SLC25A44: variants seen among roughly 807,000 people sequenced by gnomAD.
The protein encoded by SLC25A44 is solute carrier family 25, member 44.
A neutral mutation model predicts 29.9 loss-of-function variants in SLC25A44; 17 were observed. The observed-to-expected ratio is 0.57, with a 90% confidence interval of 0.39 to 0.85. The LOEUF (loss-of-function observed/expected upper bound fraction) is 0.85, where lower values mean the gene tolerates loss of function less well. Ranked by LOEUF, SLC25A44 falls within the 40% of genes least tolerant of loss-of-function variation. The pLI is 0.00. For synonymous variants in SLC25A44, 140 were observed against 151.8 expected (o/e 0.92, Z 0.57); for missense variants, 302 against 398.4 (o/e 0.76, Z 2.06).
intron 1 of SLC25A44, chr1:156,199,334 C>T (rs1298273751): frequency 6.3e-6 from 1 of 159,364 alleles, no homozygotes; most frequent in Admixed American, 6.0e-5. Context: ...CCCTTTCAGC[C>T]TTCAGGAGCC....
At chr1:156,203,074 A>G (rs1031958523) in intron 2 of SLC25A44, among the ~76,000 whole-genome samples, 1 of 152,100 alleles carries the variant, frequency 6.6e-6, no homozygotes, top group Non-Finnish European at 1.5e-5. Context: ...TGGTCTATAC[A>G]TCTCTATTGC....
intron 2 of SLC25A44, among the ~76,000 whole-genome samples, chr1:156,201,258 A>T (rs1024027073): frequency 8.5e-5 from 13 of 152,204 alleles, no homozygotes; most frequent in Non-Finnish European, 1.9e-4. Flanking sequence ...TGAGTCAAAG[A>T]TAACATTTTT....
rs998615780 is a variant in SLC25A44, at chr1:156,210,647, G to A, written c.*216G>A. 5.4e-6 allele frequency: 2 copies of A among 368,366 alleles called. No individual in the cohort carries two copies. The highest frequency in any genetic ancestry group is 9.8e-6 in the Non-Finnish European group (2 of 204,770). The allele number at this position is 368,366 out of a possible 1,614,324, so 22.8% of individuals were successfully genotyped here. The stretch of plus-strand genomic sequence containing the variant: ...CCCCCACTATTTAAAATTCTCTTCT[G>A]AGCTGGGCTCCCTCACTCAGTCCCT... On this transcript the variant is annotated 3_prime_UTR_variant, in exon 4 of 4. Coordinates refer to ENST00000359511, the MANE Select transcript of SLC25A44 (RefSeq NM_014655.4).
At chr1:156,203,545 C>T (rs1348631367) in intron 2 of SLC25A44, among the ~76,000 whole-genome samples, 1 of 152,232 alleles carries the variant, frequency 6.6e-6, no homozygotes, top group East Asian at 1.9e-4. Flanking sequence ...TCAAGCCAGT[C>T]TTAGCCAAGT....
chr1:156,200,379 G>T lies in SLC25A44; in HGVS notation c.532G>T (p.Gly178Ter). Residue 178 changes from glycine (G) to a stop codon, truncating the protein, a stop_gained, in exon 2 of 4, where the codon GGA becomes TGA. Coordinates refer to ENST00000359511, the MANE Select transcript of SLC25A44 (RefSeq NM_014655.4). LOFTEE classifies it high-confidence loss of function. ...DIIRQILQAD[G>*]LRGFYRGYVA... ...CATCAGGCAGATCCTGCAGGCTGAT[G>T]GACTTCGCGGCTTCTATCGAGGCTA... is the stretch of plus-strand genomic sequence containing the variant. The T allele has an allele frequency of 6.2e-7, 1 of 1,614,088 alleles. No homozygotes were observed. Among genetic ancestry groups the T allele is most frequent in the East Asian group, 2.2e-5 (1 of 44,888 alleles).
At chr1:156,199,199 C>A (rs1250512951) in intron 1 of SLC25A44, 1 of 152,512 alleles carries the variant, frequency 6.6e-6, no homozygotes, top group Non-Finnish European at 1.5e-5. Context: ...TCTGAGAGGC[C>A]AGCACAGGAA....
intron 2 of SLC25A44, among the ~76,000 whole-genome samples, chr1:156,206,040 T>A (rs1656906955): frequency 6.6e-6 from 1 of 152,226 alleles, no homozygotes; most frequent in African/African-American, 2.4e-5. Flanking sequence ...ATTTTCTTTC[T>A]TGATATAGGC....
rs529198825 is a variant in SLC25A44 at position 156,207,334 on chromosome 1, T to C, written c.626-552T>C. Among the ~76,000 whole-genome samples, 19 of 152,078 alleles carry C rather than the reference T, an allele frequency of 1.2e-4. No homozygotes were observed. In the East Asian group the frequency reaches 2.1e-3, roughly 17 times the overall value. The stretch of plus-strand genomic sequence containing the variant: ...CTGGGACTACAGGCGCCTGCCACCA[T>C]GCCCAGCTAATTTTCTTTGTATTTT... On this transcript the variant is annotated intron_variant, in intron 2 of 3. Transcript: ENST00000359511.
intron 3 of SLC25A44, among the ~76,000 whole-genome samples, chr1:156,208,466 C>A (rs1023720930): frequency 1.3e-5 from 2 of 150,372 alleles, no homozygotes; most frequent in Non-Finnish European, 3.0e-5. Flanking sequence ...GACTTTGTCT[C>A]AAAAAAAAAT....
chr1:156,208,622 T>G (rs1429848561), intron 3 of SLC25A44, among the ~76,000 whole-genome samples: 1 of 152,220 alleles, frequency 6.6e-6, no homozygotes, highest in African/African-American at 2.4e-5. Flanking sequence ...GGAGTCCTAT[T>G]CCATAGCCTA....
chr1:156,209,430 CG>C (rs1255449736), intron 3 of SLC25A44, among the ~76,000 whole-genome samples: 1 of 151,936 alleles, frequency 6.6e-6, no homozygotes, highest in Non-Finnish European at 1.5e-5. Flanking sequence ...AGGGCGGAAG[CG>C]GGGGATGTTC....
chr1:156,204,645 C>A (rs1172800652), intron 2 of SLC25A44, among the ~76,000 whole-genome samples: 1 of 151,924 alleles, frequency 6.6e-6, no homozygotes, highest in Non-Finnish European at 1.5e-5. Flanking sequence ...TGCTGCCACA[C>A]CCGGCAAATT....
intron 2 of SLC25A44, among the ~76,000 whole-genome samples, chr1:156,200,872 G>A (rs1222225047): frequency 8.4e-6 from 1 of 118,998 alleles, no homozygotes; most frequent in African/African-American, 3.2e-5. Context: ...GTCTCACTCT[G>A]TCACCTAGGC....
Position 156,210,750 on chromosome 1 carries a change from T to A in SLC25A44, c.*319T>A. On this transcript the variant is annotated 3_prime_UTR_variant, in exon 4 of 4. Coordinates refer to ENST00000359511, the MANE Select transcript of SLC25A44 (RefSeq NM_014655.4). Reference sequence around the variant, plus strand: ...TGGCTTCCCCTTCCATCTGTGTCCCTGAGACCCTGAGAAGAGCTGTACATA... The same window carrying A: ...TGGCTTCCCCTTCCATCTGTGTCCCAGAGACCCTGAGAAGAGCTGTACATA... 6.4e-6 allele frequency: 1 copy of A among 156,844 alleles called. No individual in the cohort carries two copies. Among genetic ancestry groups the A allele is most frequent in the Non-Finnish European group, 1.3e-5 (1 of 78,128 alleles). 9.7% of individuals were successfully genotyped at this position (156,844 alleles called of 1,614,324 possible).
chr1:156,207,725 GT>G (rs974003229), intron 2 of SLC25A44, 160 bp from the exon 3 acceptor site: 1 of 674,710 alleles, frequency 1.5e-6, no homozygotes, highest in Non-Finnish European at 2.5e-6. Context: ...AGACTTAATA[GT>G]TTTTTGAAGG....
intron 1 of SLC25A44, among the ~76,000 whole-genome samples, chr1:156,194,603 A>T (rs532031602): frequency 6.6e-6 from 1 of 152,284 alleles, no homozygotes; most frequent in South Asian, 2.1e-4. Context: ...TGGGAATCTC[A>T]CCATGTCCGA....
At chr1:156,209,259 C>T (rs1374932475) in intron 3 of SLC25A44, among the ~76,000 whole-genome samples, 1 of 152,160 alleles carries the variant, frequency 6.6e-6, no homozygotes, top group African/African-American at 2.4e-5. Flanking sequence ...GGACAGGTCT[C>T]TACTTTGAGG....
chr1:156,205,849 T>C (rs1656895589), intron 2 of SLC25A44, among the ~76,000 whole-genome samples: 1 of 152,230 alleles, frequency 6.6e-6, no homozygotes, highest in Non-Finnish European at 1.5e-5. Flanking sequence ...ATCCTCAGGA[T>C]CCAGGATGAC....
At chr1:156,209,524 C>T (rs1483262174) in intron 3 of SLC25A44, among the ~76,000 whole-genome samples, 2 of 151,918 alleles carry the variant, frequency 1.3e-5, no homozygotes, top group Non-Finnish European at 2.9e-5. Context: ...CTGTATTGGC[C>T]GAGGGGCTGA....
Sources: gnomAD v4.1 joint callset for allele counts (sites outside exome capture counted in the v4.1 genomes callset) on GRCh38, gnomAD v4.1.1 for gene constraint, MANE v1.5 for transcripts, NCBI Gene and HGNC (gene_info 2026-07-23, HGNC 2026-07-21) for gene names.